Variants in DCAF13 observed in about 807,000 individuals in gnomAD.
DCAF13 encodes DDB1- and CUL4-associated factor 13.
In DCAF13, 38 loss-of-function variants were observed where a neutral mutation model predicts 59.0. That is an observed-to-expected ratio of 0.64 (90% confidence interval 0.50 to 0.84). The LOEUF (loss-of-function observed/expected upper bound fraction) is 0.84. DCAF13 is among the 40% of genes least tolerant of loss of function. The pLI is 0.00. For missense variants in DCAF13, 469 were observed against 558.4 expected (o/e 0.84, Z 1.61); for synonymous variants, 173 against 175.0 (o/e 0.99, Z 0.09).
chr8:103,435,890 C>A, intron 8 of DCAF13, 100 bp downstream of exon 8: 1 of 1,270,206 alleles, frequency 7.9e-7, no homozygotes, highest in South Asian at 1.2e-5. Context: ...ATTGTGTGAA[C>A]ATCATCAGAG....
chr8:103,418,184 G>A (rs1816653080), intron 1 of DCAF13, among the ~76,000 whole-genome samples: 2 of 151,920 alleles, frequency 1.3e-5, no homozygotes, highest in African/African-American at 4.8e-5. Context: ...GCCAAATCAA[G>A]TAGGGATGAT....
Position 103,415,607 on chromosome 8 carries a change from C to A in DCAF13, c.70+91C>A, listed in dbSNP as rs1346025487. 28 of 1,275,868 alleles carry A rather than the reference C, an allele frequency of 2.2e-5. No individual in the cohort carries two copies. In the East Asian group the frequency reaches 3.1e-4, roughly 14 times the overall value. The allele number at this position is 1,275,868 out of a possible 1,614,324, so 79.0% of individuals were successfully genotyped here. ...GCGGAGTAAAGCCGGGGGAGGCTGG[C>A]ACTCTGGTCTGGTTCTTTCTCAGTT... On this transcript the variant is annotated intron_variant, in intron 1 of 10. Transcript: ENST00000612750.
At chr8:103,438,254 C>T (rs3098221) in intron 8 of DCAF13, among the ~76,000 whole-genome samples, 2 of 151,840 alleles carry the variant, frequency 1.3e-5, no homozygotes, top group Non-Finnish European at 2.9e-5. Context: ...GAGCACTGAG[C>T]GGGAGAAGAA....
intron 3 of DCAF13, 114 bp downstream of exon 3, chr8:103,421,196 A>G: frequency 1.3e-6 from 1 of 761,442 alleles, no homozygotes; most frequent in Non-Finnish European, 2.3e-6. Context: ...TTGGAGTTTC[A>G]CAATGCAAAA....
At chr8:103,437,620 T>C (rs1586134379) in intron 8 of DCAF13, among the ~76,000 whole-genome samples, 1 of 152,082 alleles carries the variant, frequency 6.6e-6, no homozygotes, top group Non-Finnish European at 1.5e-5. Context: ...ATAAATGGTG[T>C]TCCCTCTGAC....
At chr8:103,418,138 GA>G (rs778860828) in intron 1 of DCAF13, among the ~76,000 whole-genome samples, 3 of 147,316 alleles carry the variant, frequency 2.0e-5, no homozygotes, top group Non-Finnish European at 4.5e-5. Context: ...AAAAAAAAAA[GA>G]AAAAAAAAGA....
chr8:103,424,528 T>C (rs2130480903), intron 3 of DCAF13, among the ~76,000 whole-genome samples: 1 of 152,356 alleles, frequency 6.6e-6, no homozygotes, highest in East Asian at 1.9e-4. Context: ...AGCCTGGAGA[T>C]GAGATGTTCT....
rs751532727 is a variant in DCAF13 at position 103,441,597 on chromosome 8, T to C, written c.1229T>C (p.Met410Thr). 3.2e-5 allele frequency: 51 copies of C among 1,611,134 alleles called. No individual in the cohort carries two copies. The highest frequency in any genetic ancestry group is 1.3e-5 in the African/African-American group (1 of 74,720). The change falls in exon 10 of 11, where the codon ATG (methionine) becomes ACG (threonine). Residue 410 changes from methionine (M) to threonine (T), a missense_variant. This residue lies in a region of DCAF13 where 84 missense variants were observed against 92.3 expected (regional missense o/e 0.91). Transcript: ENST00000612750. ...IYSQIQEQRI[M>T]KEARRRKEVN... ...AGCCAGATTCAGGAACAGCGCATCA[T>C]GAAAGAAGCTCGTCGACGAAAGTAT...
chr8:103,438,851 A>G (rs1201675130), intron 8 of DCAF13, among the ~76,000 whole-genome samples: 2 of 152,280 alleles, frequency 1.3e-5, no homozygotes, highest in South Asian at 4.1e-4. Flanking sequence ...TTATTTCTCC[A>G]GAAGTTTCAT....
intron 1 of DCAF13, among the ~76,000 whole-genome samples, chr8:103,418,878 T>A (rs1202495641): frequency 0.021 from 1,021 of 48,800 alleles, 15 homozygotes; most frequent in Non-Finnish European, 0.034. Context: ...TTTTTTTTTT[T>A]TTTTTTTTTT....
intron 1 of DCAF13, 143 bp downstream of exon 1, chr8:103,415,659 T>C: frequency 1.3e-6 from 1 of 776,922 alleles, no homozygotes; most frequent in Non-Finnish European, 2.0e-6. Context: ...AACTTTGTGC[T>C]TACGGAGTCG....
intron 3 of DCAF13, among the ~76,000 whole-genome samples, chr8:103,422,077 G>C (rs934782377): frequency 6.6e-6 from 1 of 152,178 alleles, no homozygotes; most frequent in Non-Finnish European, 1.5e-5. Context: ...ATAATAAGAG[G>C]CTACCTTATT....
chr8:103,420,136 G>T, intron 1 of DCAF13, 128 bp from the exon 2 acceptor site: 1 of 809,962 alleles, frequency 1.2e-6, no homozygotes, highest in Non-Finnish European at 2.0e-6. Context: ...TTCTACTTTT[G>T]TATTCTTAGT....
rs117649686 is a variant in DCAF13 at position 103,432,619 on chromosome 8, G to A, written c.703-40G>A. The stretch of plus-strand genomic sequence containing the variant: ...GCTTAAATCAGTGGGGAAAAGAAAA[G>A]GAAAGGAAGTGGGAAATTCATCCAT... On this transcript the variant is annotated intron_variant, in intron 6 of 10. Transcript: ENST00000612750. 6.7e-3 allele frequency: 8,700 copies of A among 1,299,956 alleles called. 42 individuals are homozygous for A. The highest frequency in any genetic ancestry group is 8.0e-3 in the Non-Finnish European group (7,263 of 904,166). The allele number at this position is 1,299,956 out of a possible 1,614,324, so 80.5% of individuals were successfully genotyped here. A position where few individuals can be genotyped will look rare whatever the true frequency, so the allele number is the denominator to read the frequency against.
intron 8 of DCAF13, among the ~76,000 whole-genome samples, chr8:103,436,027 T>C (rs1437702286): frequency 1.3e-5 from 2 of 152,172 alleles, no homozygotes; most frequent in Non-Finnish European, 2.9e-5. Flanking sequence ...CTGTGGGCAA[T>C]TGTAACACAG....
intron 9 of DCAF13, 55 bp downstream of exon 9, chr8:103,440,326 A>ATAT (rs36073721): frequency 0.44 from 623,739 of 1,418,162 alleles, 140,520 homozygotes; most frequent in African/African-American, 0.49. Flanking sequence ...ATTTTATTAG[A>ATAT]TATTACATTA....
At chr8:103,418,860 ATATATATTTTTTTTTTTTTTTTTTT>A (rs1816676954) in intron 1 of DCAF13, among the ~76,000 whole-genome samples, 1 of 34,630 alleles carries the variant, frequency 2.9e-5, no homozygotes, top group African/African-American at 1.5e-4. Context: ...ATATATATAT[ATATATATTTTTTTTTTTTTTTTTTT>A]TTTTTTTTTT....
In DCAF13 at chr8:103,419,262, G is replaced by A. The variant is rs570102401; in HGVS notation, c.71-1002G>A. Reference sequence around the variant, plus strand: ...AAAACATAGATTCTGGAGCCATACTGCCTTGGTTTGAATCCTGGCTCCACC... The same window carrying A: ...AAAACATAGATTCTGGAGCCATACTACCTTGGTTTGAATCCTGGCTCCACC... On this transcript the variant is annotated intron_variant, in intron 1 of 10. Coordinates refer to ENST00000612750, the MANE Select transcript of DCAF13 (RefSeq NM_015420.7). 4.6e-5 allele frequency among the ~76,000 whole-genome samples: 7 copies of A among 152,186 alleles called. No homozygotes were observed. The East Asian group carries it at 9.7e-4, about 21-fold the overall frequency.
intron 8 of DCAF13, among the ~76,000 whole-genome samples, chr8:103,437,929 A>G (rs750520729): frequency 5.9e-5 from 9 of 152,190 alleles, no homozygotes; most frequent in Non-Finnish European, 8.8e-5. Context: ...GTGACTGTGT[A>G]TATAAAGAAT....
Sources: gnomAD v4.1 joint callset for allele counts (sites outside exome capture counted in the v4.1 genomes callset) on GRCh38, gnomAD v4.1.1 for gene constraint, gnomAD v4.1.1 regional missense constraint, MANE v1.5 for transcripts, NCBI Gene and HGNC (gene_info 2026-07-23, HGNC 2026-07-21) for gene names.